MYO16: variants seen among roughly 807,000 people sequenced by gnomAD.
MYO16 encodes the protein myosin XVI.
Under a neutral mutation model 205.3 loss-of-function variants are expected in MYO16, and 94 were observed. The ratio of observed to expected loss-of-function variants is 0.46; its 90% CI spans 0.39 to 0.54. MYO16 has a LOEUF of 0.54. Ranked by LOEUF, MYO16 falls within the 20% of genes least tolerant of loss-of-function variation. The pLI, the probability that MYO16 is intolerant of heterozygous loss-of-function variation, is 0.00. For synonymous variants in MYO16, 988 were observed against 954.0 expected (o/e 1.04, Z -0.66); for missense variants, 2,315 against 2,387.5 (o/e 0.97, Z 0.63).
rs545447433 is a variant in MYO16, at chr13:108,905,594, C to T, written c.1778-4409C>T. On this transcript the variant is annotated intron_variant, in intron 15 of 34. Transcript: ENST00000457511. ...AGTTCTCAGACAAGAAAATGATCTCCTCTTCTGGAATATTGATTATTGAAG... is the reference window on the plus strand; with the variant it reads ...AGTTCTCAGACAAGAAAATGATCTCTTCTTCTGGAATATTGATTATTGAAG... 2.0e-5 allele frequency among the ~76,000 whole-genome samples: 3 copies of T among 152,254 alleles called. No individual in the cohort carries two copies. The East Asian group carries it at 5.8e-4, about 29-fold the overall frequency.
At chr13:108,705,993 A>G (rs1481516235) in intron 2 of MYO16, among the ~76,000 whole-genome samples, 1 of 152,210 alleles carries the variant, frequency 6.6e-6, no homozygotes, top group African/African-American at 2.4e-5. Context: ...TATATGACCA[A>G]TCAAATAATA....
chr13:108,959,404 G>T (rs977347855), intron 17 of MYO16, among the ~76,000 whole-genome samples: 43 of 152,144 alleles, frequency 2.8e-4, no homozygotes, highest in Non-Finnish European at 1.0e-4. Flanking sequence ...AATATCAGTT[G>T]CCTGGAAACA....
rs1307121912 is a variant in MYO16, at chr13:109,019,908, A to C, written c.2793A>C (p.Gly931=). 1.2e-6 allele frequency: 2 copies of C among 1,613,940 alleles called. No homozygotes were observed. Among genetic ancestry groups the C allele is most frequent in the Non-Finnish European group, 1.7e-6 (2 of 1,179,982 alleles). Residue 931 remains glycine, a synonymous_variant, in exon 23 of 35, where the codon GGA becomes GGC. Coordinates refer to ENST00000457511, the MANE Select transcript of MYO16 (RefSeq NM_001198950.3). ...GTAFTIMHYA[G]RVMYDVVGAI... ...CCTTCACCATCATGCACTACGCAGG[A>C]AGGGTAAGTGGCCAGAACTGCATAA...
chr13:108,868,869 G>A (rs1394183775), intron 12 of MYO16, among the ~76,000 whole-genome samples: 20 of 149,270 alleles, frequency 1.3e-4, no homozygotes, highest in African/African-American at 4.7e-4. Context: ...GCAGTGAGCC[G>A]AGATCGTGCC....
the MYO16 span, among the ~76,000 whole-genome samples, chr13:108,509,146 G>A: frequency 2.0e-5 from 3 of 152,176 alleles, no homozygotes; most frequent in Non-Finnish European, 4.4e-5. Context: ...AACAGGTAGA[G>A]AGATCTGAAA....
upstream of MYO16, among the ~76,000 whole-genome samples, chr13:108,626,496 C>T (rs929909421): frequency 3.3e-5 from 5 of 152,158 alleles, no homozygotes; most frequent in African/African-American, 1.2e-4. Context: ...CTGTCATCAA[C>T]TCTGATACCA....
chr13:108,872,791 C>CA (rs1879131906), intron 12 of MYO16, among the ~76,000 whole-genome samples: 1 of 151,860 alleles, frequency 6.6e-6, no homozygotes, highest in Admixed American at 6.6e-5. Flanking sequence ...AAAATAAATA[C>CA]AAAAAATATA....
chr13:108,806,523 C>A (rs1470244655), intron 6 of MYO16, among the ~76,000 whole-genome samples, 156 bp from the exon 7 acceptor site: 1 of 152,114 alleles, frequency 6.6e-6, no homozygotes, highest in Non-Finnish European at 1.5e-5. Context: ...CCCATTTATA[C>A]CAAATAAATA....
At chr13:108,941,448 G>A (rs772737007) in intron 16 of MYO16, among the ~76,000 whole-genome samples, 28 of 152,088 alleles carry the variant, frequency 1.8e-4, no homozygotes, top group South Asian at 2.1e-4. Context: ...AGGCCGAGGC[G>A]GGTGGACCAT....
intron 7 of MYO16, among the ~76,000 whole-genome samples, chr13:108,807,263 T>C (rs1887144030): frequency 6.6e-6 from 1 of 152,134 alleles, no homozygotes; most frequent in African/African-American, 2.4e-5. Context: ...TCTAGTAAAT[T>C]TGTAGTAAGT....
At chr13:108,956,208 C>T (rs754510344) in intron 16 of MYO16, among the ~76,000 whole-genome samples, 1 of 152,108 alleles carries the variant, frequency 6.6e-6, no homozygotes, top group Non-Finnish European at 1.5e-5. Context: ...TGAATGGGCC[C>T]GCAATCCACC....
chr13:108,608,624 A>G (rs1422841344), intron 1 of MYO16, among the ~76,000 whole-genome samples: 1 of 148,370 alleles, frequency 6.7e-6, no homozygotes, highest in African/African-American at 2.5e-5. Flanking sequence ...TGCAGAAACA[A>G]ATATCTGAAC....
At chr13:108,627,391 A>T (rs1879784602), upstream of MYO16, among the ~76,000 whole-genome samples, 1 of 152,146 alleles carries the variant, frequency 6.6e-6, no homozygotes. Flanking sequence ...CAACTCCTCA[A>T]AGTGGATTAG....
At chr13:109,082,156 G>A (rs74509429) in intron 27 of MYO16, among the ~76,000 whole-genome samples, 2,013 of 152,168 alleles carry the variant, frequency 0.013, 46 homozygotes, top group African/African-American at 0.047. Flanking sequence ...ATTCACCATC[G>A]TCGTAGACTG....
At chr13:109,124,169 T>G (rs1385470759) in intron 29 of MYO16, among the ~76,000 whole-genome samples, 1 of 152,238 alleles carries the variant, frequency 6.6e-6, no homozygotes, top group African/African-American at 2.4e-5. Context: ...CTGTGCTAAT[T>G]GTTAGAAAGT....
chr13:109,003,627 C>T (rs185793800), intron 21 of MYO16, among the ~76,000 whole-genome samples: 18 of 152,284 alleles, frequency 1.2e-4, no homozygotes, highest in Admixed American at 7.2e-4. Flanking sequence ...GTGTTTGCCA[C>T]GGTTTCATCT....
intron 13 of MYO16, among the ~76,000 whole-genome samples, chr13:108,887,874 C>T (rs191796): frequency 0.76 from 114,756 of 151,922 alleles, 43,529 homozygotes; most frequent in East Asian, 0.97. Flanking sequence ...GGTAACGTCT[C>T]TCCTGTAAGG....
chr13:108,901,992 A>G (rs545973065), intron 15 of MYO16, among the ~76,000 whole-genome samples: 3 of 152,342 alleles, frequency 2.0e-5, no homozygotes, highest in Non-Finnish European at 4.4e-5. Context: ...GAAAGTTCCA[A>G]TGTCATGTTT....
intron 28 of MYO16, 51 bp from the exon 29 acceptor site, chr13:109,120,319 C>A (rs766561876): frequency 1.1e-5 from 14 of 1,261,152 alleles, no homozygotes; most frequent in African/African-American, 1.5e-5. Context: ...TTTCCATCAT[C>A]ATTTTGGTAT....
Sources: allele counts gnomAD v4.1 joint callset (sites outside exome capture counted in the v4.1 genomes callset), GRCh38; gene constraint gnomAD v4.1.1; transcripts MANE v1.5; gene names NCBI Gene and HGNC (gene_info 2026-07-23, HGNC 2026-07-21).